XKR6: variants seen among roughly 807,000 people sequenced by gnomAD.
XKR6 encodes XK-related protein 6.
XKR6 carries 22 observed loss-of-function variants against 56.7 expected under a neutral mutation model. The ratio of observed to expected loss-of-function variants is 0.39; its 90% confidence interval spans 0.28 to 0.55. The LOEUF is 0.55. Ranked by LOEUF, XKR6 falls within the 20% of genes least tolerant of loss-of-function variation. XKR6 has a pLI of 0.66. For missense variants in XKR6, 852 were observed against 889.0 expected (o/e 0.96, Z 0.53); for synonymous variants, 524 against 387.8 (o/e 1.35, Z -4.13).
intron 1 of XKR6, among the ~76,000 whole-genome samples, chr8:11,186,685 TAG>T (rs775397742): frequency 2.6e-5 from 4 of 152,178 alleles, no homozygotes; most frequent in Non-Finnish European, 5.9e-5. Flanking sequence ...TGGCCCAAGC[TAG>T]AGTTTTTAAG....
chr8:11,064,721 C>A (rs1170736080), intron 1 of XKR6, among the ~76,000 whole-genome samples: 4 of 152,142 alleles, frequency 2.6e-5, no homozygotes, highest in Non-Finnish European at 5.9e-5. Context: ...TCGTTCACAA[C>A]AGAAGGCACA....
At chr8:10,919,615 T>C (rs141965292) in intron 2 of XKR6, among the ~76,000 whole-genome samples, 64 of 152,344 alleles carry the variant, frequency 4.2e-4, no homozygotes, top group African/African-American at 1.5e-3. Flanking sequence ...AAGTACTTGT[T>C]ATTCCTAATT....
At chr8:11,193,502 G>T (rs2409728) in intron 1 of XKR6, among the ~76,000 whole-genome samples, 139,965 of 152,282 alleles carry the variant, frequency 0.92, 64,353 homozygotes, top group East Asian at 0.97. Flanking sequence ...TGTAACAATA[G>T]CCACTGAATT....
intron 1 of XKR6, among the ~76,000 whole-genome samples, chr8:10,957,724 C>G (rs1257279542): frequency 6.6e-6 from 1 of 152,130 alleles, no homozygotes; most frequent in East Asian, 1.9e-4. Context: ...ATGGGGCTCA[C>G]CAATGGGGGA....
At chr8:10,952,692 G>A (rs1159571999) in intron 1 of XKR6, among the ~76,000 whole-genome samples, 2 of 152,194 alleles carry the variant, frequency 1.3e-5, no homozygotes, top group African/African-American at 2.4e-5. Context: ...ATGTTGAAAT[G>A]TAGTCCCCAG....
chr8:10,917,160 G>A (rs1280904151), intron 2 of XKR6, among the ~76,000 whole-genome samples: 1 of 152,016 alleles, frequency 6.6e-6, no homozygotes, highest in Non-Finnish European at 1.5e-5. Context: ...GGAGAGGCAT[G>A]GCATTTGGAC....
chr8:11,024,202 GA>G, intron 1 of XKR6, among the ~76,000 whole-genome samples: 1 of 125,792 alleles, frequency 7.9e-6, no homozygotes, highest in African/African-American at 3.1e-5. Context: ...TACCTGTTAG[GA>G]GGTGTGTGTG....
At chr8:10,980,364 T>C (rs576670814) in intron 1 of XKR6, among the ~76,000 whole-genome samples, 19 of 152,024 alleles carry the variant, frequency 1.2e-4, no homozygotes, top group Non-Finnish European at 2.5e-4. Context: ...CCACACCAGA[T>C]CCCATGGGTG....
At chr8:10,915,983 C>T (rs962839997) in intron 2 of XKR6, among the ~76,000 whole-genome samples, 3 of 152,238 alleles carry the variant, frequency 2.0e-5, no homozygotes, top group Non-Finnish European at 4.4e-5. Flanking sequence ...ATGCCATGAG[C>T]GCCCGGAAGT....
At chr8:11,095,399 C>T (rs1563132573) in intron 1 of XKR6, among the ~76,000 whole-genome samples, 1 of 152,222 alleles carries the variant, frequency 6.6e-6, no homozygotes, top group East Asian at 1.9e-4. Flanking sequence ...TTAGTAACAC[C>T]TAAGACAAGC....
intron 1 of XKR6, among the ~76,000 whole-genome samples, chr8:11,027,905 A>T (rs1798905916): frequency 6.6e-6 from 1 of 151,968 alleles, no homozygotes; most frequent in Non-Finnish European, 1.5e-5. Flanking sequence ...CATTATCAAC[A>T]TCCCACCCCT....
At chr8:11,180,912 T>C (rs10097295) in intron 1 of XKR6, among the ~76,000 whole-genome samples, 5,145 of 152,104 alleles carry the variant, frequency 0.034, 297 homozygotes, top group African/African-American at 0.12. Context: ...GTCTCTAAAA[T>C]ATAAAAATAA....
intron 1 of XKR6, among the ~76,000 whole-genome samples, chr8:10,962,771 C>T (rs1423677057): frequency 1.3e-5 from 2 of 151,862 alleles, no homozygotes; most frequent in Non-Finnish European, 2.9e-5. Flanking sequence ...GATTACAGGC[C>T]CCCGCCACCA....
intron 1 of XKR6, among the ~76,000 whole-genome samples, chr8:10,968,211 C>T (rs1275044124): frequency 5.3e-5 from 8 of 152,222 alleles, no homozygotes; most frequent in Non-Finnish European, 1.0e-4. Flanking sequence ...CCCACCGCTC[C>T]TAGGCCTCCC....
intron 2 of XKR6, among the ~76,000 whole-genome samples, chr8:10,911,339 ATGTG>A (rs57838606): frequency 1.3e-4 from 15 of 111,954 alleles, no homozygotes; most frequent in African/African-American, 3.7e-4. Context: ...ATATATATAT[ATGTG>A]TGTGTGTGTG....
chr8:11,040,462 G>A lies in XKR6; in HGVS notation c.765-115632C>T, dbSNP rs144232139. On this transcript the variant is annotated intron_variant, in intron 1 of 2. Coordinates refer to ENST00000416569, the MANE Select transcript of XKR6 (RefSeq NM_173683.4). ...CAGGAGGATCACTTGAGCCCAGGGG[G>A]TCGAGGCTGCAGTGAGCCATGATTG... 4.1e-3 allele frequency among the ~76,000 whole-genome samples: 631 copies of A among 152,204 alleles called. 5 individuals carry two copies. The highest frequency in any genetic ancestry group is 0.015 in the African/African-American group (612 of 41,516).
intron 1 of XKR6, among the ~76,000 whole-genome samples, chr8:11,160,062 T>C (rs189699861): frequency 6.0e-4 from 92 of 152,286 alleles, no homozygotes; most frequent in African/African-American, 2.1e-3. Flanking sequence ...GACTCATCAG[T>C]GGTTAAGATG....
intron 1 of XKR6, among the ~76,000 whole-genome samples, chr8:11,181,647 T>C (rs1201767049): frequency 6.6e-6 from 1 of 152,156 alleles, no homozygotes; most frequent in Non-Finnish European, 1.5e-5. Flanking sequence ...AGGAAGAAAA[T>C]TTGGTGAGGA....
rs1366165119 is a variant in XKR6 at position 10,897,352 on chromosome 8, G to A, written c.*600C>T. ...ATAATTGCTTTGTGTTGTATTTGTT[G>A]GTTGGTTTTTGTTTCACTTTTAGAT... On this transcript the variant is annotated 3_prime_UTR_variant, in exon 3 of 3. Coordinates refer to ENST00000416569, the MANE Select transcript of XKR6 (RefSeq NM_173683.4). 6.6e-6 allele frequency: 1 copy of A among 152,506 alleles called. No homozygotes were observed. Among genetic ancestry groups the A allele is most frequent in the Non-Finnish European group, 1.5e-5 (1 of 68,018 alleles). 9.4% of individuals were successfully genotyped at this position (152,506 alleles called of 1,614,324 possible). A position where few individuals can be genotyped will look rare whatever the true frequency, so the allele number is the denominator to read the frequency against.
Sources: allele counts gnomAD v4.1 joint callset (sites outside exome capture counted in the v4.1 genomes callset), GRCh38; gene constraint gnomAD v4.1.1; transcripts MANE v1.5; gene names NCBI Gene and HGNC (gene_info 2026-07-23, HGNC 2026-07-21).